Variants in GABRG3 observed in about 807,000 individuals in gnomAD.
GABRG3 encodes gamma-aminobutyric acid type A receptor subunit gamma3, also known as gamma-aminobutyric acid receptor subunit gamma-3.
GABRG3 carries 25 observed loss-of-function variants against 48.8 expected under a neutral mutation model. That is an observed-to-expected ratio of 0.51 (90% CI 0.37 to 0.72). The LOEUF (loss-of-function observed/expected upper bound fraction) is 0.72. GABRG3 is among the 30% of genes least tolerant of loss of function. The pLI is 0.00. For synonymous variants in GABRG3, 227 were observed against 217.6 expected, an observed-to-expected ratio of 1.04 and a Z score of -0.38; for missense variants, 394 against 577.9, an observed-to-expected ratio of 0.68 and a Z score of 3.26.
chr15:27,141,112 C>CT (rs764247857), intron 3 of GABRG3, among the ~76,000 whole-genome samples: 2 of 152,074 alleles, frequency 1.3e-5, no homozygotes, highest in Non-Finnish European at 2.9e-5. Context: ...TGGATAGAAG[C>CT]TTAGCTTTTG....
intron 2 of GABRG3, among the ~76,000 whole-genome samples, chr15:26,991,549 A>G (rs1487173091): frequency 3.3e-5 from 5 of 152,132 alleles, no homozygotes; most frequent in African/African-American, 1.2e-4. Context: ...TATTCTTCCA[A>G]TCCATGAACA....
intron 3 of GABRG3, among the ~76,000 whole-genome samples, chr15:27,279,311 G>T (rs1891358058): frequency 6.6e-6 from 1 of 152,006 alleles, no homozygotes; most frequent in African/African-American, 2.4e-5. Flanking sequence ...TTGTGTTTTG[G>T]ATTTCATGTA....
chr15:27,415,976 AC>A (rs151336736), intron 5 of GABRG3, among the ~76,000 whole-genome samples: 124 of 152,000 alleles, frequency 8.2e-4, no homozygotes, highest in Non-Finnish European at 1.1e-3. Flanking sequence ...GGATTACCAT[AC>A]CCCCCCTCTT....
At chr15:27,008,548 C>A (rs1210124393) in intron 2 of GABRG3, among the ~76,000 whole-genome samples, 1 of 152,156 alleles carries the variant, frequency 6.6e-6, no homozygotes, top group African/African-American at 2.4e-5. Context: ...AGTTGGCAGG[C>A]CTGTGTGGCC....
chr15:27,402,870 C>T (rs1169922288), intron 5 of GABRG3, among the ~76,000 whole-genome samples: 1 of 152,144 alleles, frequency 6.6e-6, no homozygotes, highest in Non-Finnish European at 1.5e-5. Context: ...ACGCCCACAT[C>T]TGGCCACTTG....
intron 3 of GABRG3, among the ~76,000 whole-genome samples, chr15:27,079,983 C>T (rs8037677): frequency 0.018 from 2,699 of 152,276 alleles, 83 homozygotes; most frequent in African/African-American, 0.063. Context: ...AGGGCTGGCT[C>T]AGGCTAAGCA....
At chr15:27,460,967 G>A (rs569547063) in intron 5 of GABRG3, among the ~76,000 whole-genome samples, 1 of 152,304 alleles carries the variant, frequency 6.6e-6, no homozygotes, top group Admixed American at 6.5e-5. Flanking sequence ...ATGCTTTGCA[G>A]GTTTGGTAGG....
At position 27,345,615 on chromosome 15, in the gene GABRG3, C is replaced by A. The variant is rs567687884; in HGVS notation, c.574+16727C>A. ...GAAAAAGAAGAAATACATTTTGTTT[C>A]CTTTATACTTTCTCTAGTACTCCTT... On this transcript the variant is annotated intron_variant, in intron 5 of 9. Transcript: ENST00000615808. 2.6e-5 allele frequency among the ~76,000 whole-genome samples: 4 copies of A among 152,236 alleles called. No individual in the cohort carries two copies. The South Asian group carries it at 6.2e-4, about 24-fold the overall frequency.
rs1018275809 is a variant in GABRG3, at chr15:27,536,265, C to T, written c.*3384C>T. 5 of 152,172 alleles carry T rather than the reference C, an allele frequency of 3.3e-5. No individual in the cohort carries two copies. Among genetic ancestry groups the T allele is most frequent in the African/African-American group, 1.2e-4 (5 of 41,416 alleles). The allele number at this position is 152,172 out of a possible 1,614,324, so 9.4% of individuals were successfully genotyped here. A position where few individuals can be genotyped will look rare whatever the true frequency, so the allele number is the denominator to read the frequency against. ...CTTCAGCTTCTGCAAAGTCCCAACA[C>T]CACCTACCAGAACAGAGACTCCCTA... On this transcript the variant is annotated 3_prime_UTR_variant, in exon 10 of 10. Coordinates refer to ENST00000615808, the MANE Select transcript of GABRG3 (RefSeq NM_033223.5).
In GABRG3 at chr15:26,971,599, CG is replaced by C; in HGVS notation, c.53+16del. 2 of 1,524,734 alleles carry C rather than the reference CG, an allele frequency of 1.3e-6. No individual in the cohort carries two copies. The highest frequency in any genetic ancestry group is 8.8e-7 in the Non-Finnish European group (1 of 1,137,244). 94.5% of individuals were successfully genotyped at this position (1,524,734 alleles called of 1,614,324 possible). A position where few individuals can be genotyped will look rare whatever the true frequency, so the allele number is the denominator to read the frequency against. ...GGGCTTGCACGCGCGGTAAGTGGCG[CG>C]GGGGCCGCATCCCCGGAGGCCCCGA... On this transcript the variant is annotated intron_variant, in intron 1 of 9. Transcript: ENST00000615808.
At chr15:27,209,337 TC>T (rs1888990710) in intron 3 of GABRG3, among the ~76,000 whole-genome samples, 1 of 144,752 alleles carries the variant, frequency 6.9e-6, no homozygotes, top group Non-Finnish European at 1.5e-5. Context: ...GCTCTTTCTT[TC>T]TTTCTTTCTT....
chr15:27,125,272 T>C lies in GABRG3; in HGVS notation c.270+98451T>C, dbSNP rs572003666. ...AAAGATAAATATTGCATGGTCTCACTTATATGTGGGAGCTAAAGAAAAAAC... is the reference window on the plus strand; with the variant it reads ...AAAGATAAATATTGCATGGTCTCACCTATATGTGGGAGCTAAAGAAAAAAC... On this transcript the variant is annotated intron_variant, in intron 3 of 9. Coordinates refer to ENST00000615808, the MANE Select transcript of GABRG3 (RefSeq NM_033223.5). 3.7e-4 allele frequency among the ~76,000 whole-genome samples: 57 copies of C among 152,204 alleles called. No homozygotes were observed. In the East Asian group the frequency reaches 8.1e-3, roughly 22 times the overall value.
intron 3 of GABRG3, among the ~76,000 whole-genome samples, chr15:27,064,624 C>T (rs762919808): frequency 2.6e-5 from 4 of 152,228 alleles, no homozygotes; most frequent in Non-Finnish European, 5.9e-5. Context: ...TGCCTTACTG[C>T]TTCCATCATC....
At chr15:27,503,960 A>G (rs1478254098) in intron 6 of GABRG3, among the ~76,000 whole-genome samples, 1 of 152,174 alleles carries the variant, frequency 6.6e-6, no homozygotes, top group East Asian at 1.9e-4. Context: ...TTGCTTTAAA[A>G]TCTACTTCCA....
At chr15:27,306,792 T>C (rs558138392) in intron 3 of GABRG3, among the ~76,000 whole-genome samples, 2 of 103,946 alleles carry the variant, frequency 1.9e-5, no homozygotes, top group African/African-American at 8.3e-5. Flanking sequence ...TGTTTATATA[T>C]AAACATACAA....
chr15:27,420,445 G>C (rs139411975), intron 5 of GABRG3, among the ~76,000 whole-genome samples: 2 of 152,170 alleles, frequency 1.3e-5, no homozygotes, highest in Non-Finnish European at 2.9e-5. Context: ...TCAGTTATGC[G>C]AGATGAGTAC....
chr15:27,137,268 G>A (rs11637885), intron 3 of GABRG3, among the ~76,000 whole-genome samples: 30,883 of 152,078 alleles, frequency 0.2, 4,072 homozygotes, highest in Middle Eastern at 0.3. Flanking sequence ...CCTAGTCCAT[G>A]GACTCTACAG....
chr15:27,405,825 T>G (rs1402716825), intron 5 of GABRG3, among the ~76,000 whole-genome samples: 1 of 151,048 alleles, frequency 6.6e-6, no homozygotes, highest in East Asian at 2.0e-4. Context: ...CTGGGACTCC[T>G]TTAAGAAATG....
intron 5 of GABRG3, among the ~76,000 whole-genome samples, chr15:27,477,254 A>C (rs1595780972): frequency 6.6e-6 from 1 of 152,338 alleles, no homozygotes; most frequent in East Asian, 1.9e-4. Flanking sequence ...CAGCACTAAA[A>C]TTAAATGAGC....
Sources: allele counts gnomAD v4.1 joint callset (sites outside exome capture counted in the v4.1 genomes callset), GRCh38; gene constraint gnomAD v4.1.1; transcripts MANE v1.5; gene names NCBI Gene and HGNC (gene_info 2026-07-23, HGNC 2026-07-21).